Variants in NELL2 observed in about 807,000 individuals in gnomAD.
NELL2 encodes neural EGFL like 2.
NELL2 carries 41 observed loss-of-function variants against 109.6 expected under a neutral mutation model. That is an observed-to-expected ratio of 0.37 (90% CI 0.29 to 0.49). The LOEUF (loss-of-function observed/expected upper bound fraction) is 0.49. Ranked by LOEUF, NELL2 falls within the 20% of genes least tolerant of loss-of-function variation. The pLI is 0.98. For synonymous variants in NELL2, 355 were observed against 344.7 expected (o/e 1.03, Z -0.33); for missense variants, 900 against 1,008.3 (o/e 0.89, Z 1.45).
intron 1 of NELL2, among the ~76,000 whole-genome samples, chr12:44,892,932 T>A (rs1217841363): frequency 6.6e-6 from 1 of 151,432 alleles, no homozygotes; most frequent in African/African-American, 2.4e-5. Context: ...TTAAAAAAAA[T>A]CATAATCCTA....
At chr12:44,911,408 T>C (rs1394297445) in intron 1 of NELL2, among the ~76,000 whole-genome samples, 2 of 152,020 alleles carry the variant, frequency 1.3e-5, no homozygotes, top group African/African-American at 4.8e-5. Context: ...ACCATTTGGC[T>C]ATATGATGGC....
intron 2 of NELL2, among the ~76,000 whole-genome samples, chr12:44,859,137 T>C (rs750183076): frequency 6.6e-6 from 1 of 152,276 alleles, no homozygotes; most frequent in Admixed American, 6.5e-5. Context: ...TTTTGGTTCC[T>C]ATTTTACTGT....
chr12:44,899,667 A>G (rs553543270), intron 1 of NELL2, among the ~76,000 whole-genome samples: 1 of 152,254 alleles, frequency 6.6e-6, no homozygotes, highest in South Asian at 2.1e-4. Flanking sequence ...ACATAGCAAA[A>G]TGTAAAGCAT....
intron 1 of NELL2, 58 bp downstream of exon 1, chr12:44,875,757 A>C: frequency 1.2e-6 from 2 of 1,611,630 alleles, no homozygotes. Flanking sequence ...CAGCCAGCCC[A>C]TGCTGCCCCG....
intron 9 of NELL2, among the ~76,000 whole-genome samples, chr12:44,743,978 C>A (rs986288326): frequency 2.0e-5 from 3 of 152,132 alleles, no homozygotes; most frequent in Admixed American, 6.5e-5. Flanking sequence ...ACTCTCCACC[C>A]CAAATCAACA....
Position 44,519,983 on chromosome 12 carries a change from A to G in NELL2, c.2400+22T>C, listed in dbSNP as rs1434751519. The G allele has an allele frequency of 5.6e-6, 9 of 1,603,292 alleles. No individual in the cohort carries two copies. The South Asian group carries it at 6.6e-5, about 12-fold the overall frequency. On this transcript the variant is annotated intron_variant, in intron 19 of 19. Coordinates refer to ENST00000429094, the MANE Select transcript of NELL2 (RefSeq NM_001145108.2). ...GGGTGCAGCTGGCAAAGTGCTCACT[A>G]TTTAAATTTAATGGAGTTTACCTTG...
chr12:44,627,328 T>C (rs141526895), intron 13 of NELL2, among the ~76,000 whole-genome samples: 380 of 152,180 alleles, frequency 2.5e-3, no homozygotes, highest in African/African-American at 8.7e-3. Context: ...TTTTTTGCAT[T>C]GACATGGAAA....
intron 2 of NELL2, among the ~76,000 whole-genome samples, chr12:44,859,564 G>A (rs965185651): frequency 4.6e-5 from 7 of 151,974 alleles, no homozygotes; most frequent in African/African-American, 1.7e-4. Context: ...AAATAAACAG[G>A]AGACATATCA....
intron 13 of NELL2, among the ~76,000 whole-genome samples, chr12:44,630,617 C>T (rs1311777962): frequency 6.6e-6 from 1 of 152,136 alleles, no homozygotes; most frequent in Non-Finnish European, 1.5e-5. Context: ...ACAGGTTTCA[C>T]CCTGGGAATT....
chr12:44,654,767 G>T (rs1947434751), intron 13 of NELL2, among the ~76,000 whole-genome samples: 1 of 152,150 alleles, frequency 6.6e-6, no homozygotes, highest in Non-Finnish European at 1.5e-5. Flanking sequence ...GGCACCGCGG[G>T]CTGGGGAGGA....
chr12:44,509,516 G>A (rs891940353), intron 19 of NELL2, among the ~76,000 whole-genome samples: 1 of 152,158 alleles, frequency 6.6e-6, no homozygotes, highest in Non-Finnish European at 1.5e-5. Context: ...AATGAGGGTA[G>A]AGCACTCATG....
intron 9 of NELL2, among the ~76,000 whole-genome samples, chr12:44,726,477 T>C (rs1939088820): frequency 6.6e-6 from 1 of 152,270 alleles, no homozygotes. Context: ...AATCTCCATA[T>C]CTCTAGTTAA....
chr12:44,707,450 C>G (rs73102305), intron 11 of NELL2, among the ~76,000 whole-genome samples: 1 of 152,060 alleles, frequency 6.6e-6, no homozygotes, highest in East Asian at 1.9e-4. Flanking sequence ...GACAAAGGGA[C>G]GAGATTTGAG....
At chr12:44,856,725 GGTGGGA>G (rs1273714592) in intron 2 of NELL2, among the ~76,000 whole-genome samples, 1 of 152,160 alleles carries the variant, frequency 6.6e-6, no homozygotes, top group Non-Finnish European at 1.5e-5. Flanking sequence ...AAAGTAAAAG[GGTGGGA>G]GTGGGAGTGT....
At chr12:44,720,175 C>A (rs1938693309) in intron 9 of NELL2, among the ~76,000 whole-genome samples, 1 of 152,102 alleles carries the variant, frequency 6.6e-6, no homozygotes, top group African/African-American at 2.4e-5. Context: ...ACACATTTTC[C>A]TTTTCTCTAG....
At chr12:44,605,935 A>C (rs943584700) in intron 15 of NELL2, among the ~76,000 whole-genome samples, 3 of 152,154 alleles carry the variant, frequency 2.0e-5, no homozygotes, top group African/African-American at 7.2e-5. Context: ...TTAGTATATC[A>C]TATGATAGTT....
chr12:44,747,369 C>T (rs1940428997), intron 9 of NELL2, among the ~76,000 whole-genome samples: 1 of 151,992 alleles, frequency 6.6e-6, no homozygotes. Context: ...TTAATGGGTG[C>T]AGCACACCAA....
intron 13 of NELL2, among the ~76,000 whole-genome samples, chr12:44,618,798 T>C (rs1344031972): frequency 6.6e-6 from 1 of 152,216 alleles, no homozygotes; most frequent in Non-Finnish European, 1.5e-5. Context: ...ACAATAATGA[T>C]AGTAGCTAAA....
rs200405169 is a variant in NELL2, at chr12:44,824,512, TC to T, written c.185-8377del. 3.9e-4 allele frequency among the ~76,000 whole-genome samples: 60 copies of T among 152,136 alleles called. No homozygotes were observed. In the East Asian group the frequency reaches 0.011, roughly 29 times the overall value. On this transcript the variant is annotated intron_variant, in intron 2 of 19. Transcript: ENST00000429094. ...ACTATTTATTGAAGAGACTGTCCTT[TC>T]CCCCTCGTATGCTGTTGGCACTTTT...
Sources: gnomAD v4.1 joint callset for allele counts (sites outside exome capture counted in the v4.1 genomes callset) on GRCh38, gnomAD v4.1.1 for gene constraint, MANE v1.5 for transcripts, NCBI Gene and HGNC (gene_info 2026-07-23, HGNC 2026-07-21) for gene names.